The following KLHL13 variants were observed in gnomAD, a reference collection of about 807,000 sequenced individuals.
The protein encoded by KLHL13 is kelch like family member 13.
Under a neutral mutation model 37.1 loss-of-function variants are expected in KLHL13, and 10 were observed. That is an observed-to-expected ratio of 0.27 (90% CI 0.17 to 0.46). The LOEUF (loss-of-function observed/expected upper bound fraction) is 0.46, where lower values mean the gene tolerates loss of function less well. KLHL13 is among the 20% of genes least tolerant of loss of function. The pLI, the probability that KLHL13 is intolerant of heterozygous loss-of-function variation, is 1.00. For synonymous variants in KLHL13, 163 were observed against 181.2 expected, an observed-to-expected ratio of 0.90 and a Z score of 0.81; for missense variants, 360 against 509.3, an observed-to-expected ratio of 0.71 and a Z score of 2.82.
At chrX:117,984,321 G>A (rs1453070948) in intron 1 of KLHL13, among the ~76,000 whole-genome samples, 1 of 111,077 alleles carries the variant, frequency 9.0e-6, no homozygotes, top group Non-Finnish European at 1.9e-5. Flanking sequence ...AATGTTTGAT[G>A]AGCTCTAATA....
intron 1 of KLHL13, among the ~76,000 whole-genome samples, chrX:118,094,347 G>C (rs1216869274): frequency 1.8e-5 from 2 of 111,153 alleles, no homozygotes; most frequent in East Asian, 5.7e-4. Context: ...AGAAAAAAGA[G>C]TACAAAGAAA....
chrX:118,074,006 T>G (rs1020627493), intron 1 of KLHL13, among the ~76,000 whole-genome samples: 2 of 112,301 alleles, frequency 1.8e-5, no homozygotes, highest in South Asian at 7.4e-4. Flanking sequence ...AAGTAGAGAT[T>G]AGAAAAAATG....
chrX:117,920,097 C>A, intron 3 of KLHL13, 141 bp downstream of exon 4: 3 of 565,451 alleles, frequency 5.3e-6, no homozygotes, highest in South Asian at 7.0e-5. Flanking sequence ...ACAGCACCAC[C>A]GAAAACCATA....
At chrX:117,898,783 T>C (rs1929890829) in exon 7 of KLHL13, 1 of 791,308 alleles carries the variant, frequency 1.3e-6, no homozygotes, top group Non-Finnish European at 1.8e-6. Context: ...GTTGTCTTTT[T>C]TCCAATATCT....
intron 1 of KLHL13, among the ~76,000 whole-genome samples, chrX:117,995,617 A>G (rs2053846394): frequency 9.0e-6 from 1 of 110,595 alleles, no homozygotes; most frequent in Admixed American, 9.6e-5. Context: ...ATTTTAATCA[A>G]CTCCAAAATA....
intron 1 of KLHL13, among the ~76,000 whole-genome samples, chrX:118,028,957 T>C (rs1450498420): frequency 4.5e-5 from 5 of 112,055 alleles, no homozygotes; most frequent in Non-Finnish European, 7.5e-5. Context: ...ATCATCCTTT[T>C]GTGCAGTGTA....
chrX:117,957,991 T>A (rs1452022689), intron 1 of KLHL13, among the ~76,000 whole-genome samples: 1 of 111,920 alleles, frequency 8.9e-6, no homozygotes, highest in South Asian at 3.7e-4. Context: ...AGTATTTTGG[T>A]CACTAGTAGA....
intron 1 of KLHL13, among the ~76,000 whole-genome samples, chrX:117,992,497 A>G (rs1375138318): frequency 9.0e-6 from 1 of 111,443 alleles, no homozygotes; most frequent in East Asian, 2.8e-4. Flanking sequence ...TTTATAGGTT[A>G]TGATCTACTT....
intron 1 of KLHL13, among the ~76,000 whole-genome samples, chrX:118,044,975 A>AT (rs1367862133): frequency 8.9e-5 from 10 of 112,146 alleles, no homozygotes; most frequent in African/African-American, 3.2e-4. Context: ...ATTTGCATCT[A>AT]TTTTTTCCCA....
At chrX:118,048,527 T>C (rs1415881165) in intron 1 of KLHL13, among the ~76,000 whole-genome samples, 2 of 111,609 alleles carry the variant, frequency 1.8e-5, no homozygotes, top group African/African-American at 6.5e-5. Context: ...TTTACACAGC[T>C]ACATGGTGGC....
At chrX:118,087,835 G>A (rs768303128) in intron 1 of KLHL13, among the ~76,000 whole-genome samples, 25 of 111,288 alleles carry the variant, frequency 2.2e-4, no homozygotes, top group Non-Finnish European at 1.9e-5. Context: ...AGTGGCCCCA[G>A]GATCAGAGAA....
chrX:118,010,689 ATG>A (rs1326824053), intron 1 of KLHL13, among the ~76,000 whole-genome samples: 1 of 100,202 alleles, frequency 1.0e-5, no homozygotes, highest in African/African-American at 3.6e-5. Flanking sequence ...ATGTATACAT[ATG>A]TAACTAACCT....
chrX:118,032,872 T>A (rs1488089374), intron 1 of KLHL13, among the ~76,000 whole-genome samples: 2 of 111,054 alleles, frequency 1.8e-5, no homozygotes, highest in African/African-American at 3.3e-5. Flanking sequence ...ATAACTAGAA[T>A]AACCAATATA....
At chrX:118,097,486 T>G (rs1168379204) in intron 1 of KLHL13, among the ~76,000 whole-genome samples, 1 of 111,435 alleles carries the variant, frequency 9.0e-6, no homozygotes, top group South Asian at 3.8e-4. Flanking sequence ...ATCAATATTG[T>G]GAAAATGGCC....
At chrX:117,909,703 G>A in exon 5 of KLHL13, 2 of 1,211,842 alleles carry the variant, frequency 1.7e-6, no homozygotes, top group East Asian at 3.0e-5. Flanking sequence ...TGCATATATG[G>A]CATCATTTGG....
chrX:118,084,117 T>C (rs761210049), intron 1 of KLHL13, among the ~76,000 whole-genome samples: 1 of 109,448 alleles, frequency 9.1e-6, no homozygotes, highest in Non-Finnish European at 1.9e-5. Context: ...GCCAGGAGTT[T>C]GAGATCAGCC....
At position 118,016,904 on chromosome X, in the gene KLHL13, C is replaced by G. The variant is rs184777903; in HGVS notation, c.-55-71329G>C. Among the ~76,000 whole-genome samples the G allele has an allele frequency of 1.6e-3, 174 of 111,834 alleles. 2 individuals carry two copies. The highest frequency in any genetic ancestry group is 5.5e-3 in the African/African-American group (169 of 30,862). On this transcript the variant is annotated intron_variant, in intron 1 of 6. Coordinates refer to the KLHL13 transcript ENST00000371882. ...TAGAGTGTGAAGAAACCAGTTGGTT[C>G]CCAAACATTGTAAAATTCATCCCTA...
chrX:118,091,464 G>C (rs1006555971), intron 1 of KLHL13, among the ~76,000 whole-genome samples: 3 of 110,878 alleles, frequency 2.7e-5, no homozygotes, highest in Non-Finnish European at 3.8e-5. Flanking sequence ...GAACCAAATG[G>C]ATCTTTTAAA....
At chrX:118,065,892 T>C (rs751490019) in intron 1 of KLHL13, among the ~76,000 whole-genome samples, 4 of 112,121 alleles carry the variant, frequency 3.6e-5, no homozygotes, top group Admixed American at 1.9e-4. Flanking sequence ...TTCTACAGTA[T>C]CACAATAAGT....
Sources: gnomAD v4.1 joint callset for allele counts (sites outside exome capture counted in the v4.1 genomes callset) on GRCh38, gnomAD v4.1.1 for gene constraint, MANE v1.5 for transcripts, NCBI Gene and HGNC (gene_info 2026-07-23, HGNC 2026-07-21) for gene names.